RGS6: variants seen among roughly 807,000 people sequenced by gnomAD.
The protein encoded by RGS6 is regulator of G protein signaling 6.
Under a neutral mutation model 78.5 loss-of-function variants are expected in RGS6, and 30 were observed. The ratio of observed to expected loss-of-function variants is 0.38; its 90% confidence interval spans 0.29 to 0.52. The LOEUF (loss-of-function observed/expected upper bound fraction) is 0.52, where lower values mean the gene tolerates loss of function less well. Ranked by LOEUF, RGS6 falls within the 20% of genes least tolerant of loss-of-function variation. The pLI is 0.85. For synonymous variants in RGS6, 206 were observed against 206.0 expected (o/e 1.00, Z 0.00); for missense variants, 495 against 609.7 (o/e 0.81, Z 1.98).
At chr14:72,177,579 A>C (rs2097123053) in intron 2 of RGS6, among the ~76,000 whole-genome samples, 1 of 152,224 alleles carries the variant, frequency 6.6e-6, no homozygotes, top group South Asian at 2.1e-4. Flanking sequence ...AGAGAGGTAG[A>C]TTTAAGTAAT....
At chr14:72,289,808 G>A (rs1488166513) in intron 2 of RGS6, among the ~76,000 whole-genome samples, 1 of 152,150 alleles carries the variant, frequency 6.6e-6, no homozygotes. Context: ...ATCTCATGTG[G>A]ACAGGTGGTT....
chr14:71,999,555 T>A (rs371789067), intron 2 of RGS6, among the ~76,000 whole-genome samples: 3 of 152,290 alleles, frequency 2.0e-5, no homozygotes, highest in East Asian at 3.9e-4. Context: ...AAATCTCGTG[T>A]CAAATCATAA....
chr14:72,068,550 T>C (rs1474198145), intron 2 of RGS6, among the ~76,000 whole-genome samples: 2 of 146,240 alleles, frequency 1.4e-5, no homozygotes, highest in Non-Finnish European at 3.0e-5. Flanking sequence ...CAGGCTGGAG[T>C]GCAGTGGCGC....
chr14:71,987,632 C>T lies in RGS6; in HGVS notation c.84+22757C>T, dbSNP rs150146664. Among the ~76,000 whole-genome samples the T allele has an allele frequency of 1.7e-4, 26 of 152,142 alleles. 1 individual carries two copies. The highest frequency in any genetic ancestry group is 4.6e-4 in the African/African-American group (19 of 41,496). ...CTTGACCTCTGGGGCTTGATCCTCCCGTCTCAGCCTTCCCATAGCTGGGAC... is the reference window on the plus strand; with the variant it reads ...CTTGACCTCTGGGGCTTGATCCTCCTGTCTCAGCCTTCCCATAGCTGGGAC... On this transcript the variant is annotated intron_variant, in intron 2 of 17. Coordinates refer to ENST00000553525, the MANE Select transcript of RGS6 (RefSeq NM_001204424.2).
chr14:72,093,179 A>G (rs990635571), intron 2 of RGS6, among the ~76,000 whole-genome samples: 6 of 152,112 alleles, frequency 3.9e-5, no homozygotes, highest in South Asian at 2.1e-4. Flanking sequence ...AGGACGACCA[A>G]TATCTTAAAT....
intron 2 of RGS6, among the ~76,000 whole-genome samples, chr14:72,051,897 C>T (rs560568962): frequency 4.6e-5 from 7 of 152,260 alleles, no homozygotes; most frequent in South Asian, 4.2e-4. Context: ...TTTTATTCTC[C>T]TTCCTGCAAC....
At chr14:72,004,199 A>G (rs2084066939) in intron 2 of RGS6, among the ~76,000 whole-genome samples, 1 of 152,160 alleles carries the variant, frequency 6.6e-6, no homozygotes, top group African/African-American at 2.4e-5. Flanking sequence ...CTTTGGATTG[A>G]AAAAAAGTTG....
chr14:72,278,763 G>T (rs1289069070), intron 2 of RGS6, among the ~76,000 whole-genome samples: 1 of 152,144 alleles, frequency 6.6e-6, no homozygotes, highest in Non-Finnish European at 1.5e-5. Context: ...ATCAGATGTT[G>T]TCTCAGTTGG....
At chr14:72,330,827 G>A (rs1036252942) in intron 2 of RGS6, among the ~76,000 whole-genome samples, 3 of 152,072 alleles carry the variant, frequency 2.0e-5, no homozygotes, top group Admixed American at 6.5e-5. Context: ...ACTGACACCT[G>A]CAGAGATTTT....
intron 3 of RGS6, among the ~76,000 whole-genome samples, chr14:72,372,102 G>C (rs978558310): frequency 6.6e-6 from 1 of 152,178 alleles, no homozygotes; most frequent in African/African-American, 2.4e-5. Flanking sequence ...TTGTTACTCT[G>C]TTCTGAAGAC....
intron 2 of RGS6, among the ~76,000 whole-genome samples, chr14:72,085,513 A>G (rs1329810592): frequency 6.6e-6 from 1 of 152,152 alleles, no homozygotes. Flanking sequence ...AACACAGCTT[A>G]CTTCCAAGAG....
intron 2 of RGS6, among the ~76,000 whole-genome samples, chr14:72,145,810 G>T (rs1436759131): frequency 2.0e-5 from 3 of 152,118 alleles, no homozygotes; most frequent in Non-Finnish European, 4.4e-5. Flanking sequence ...TCAAGTAAAT[G>T]TAAAATTATA....
At chr14:72,028,782 GA>G (rs1333285102) in intron 2 of RGS6, among the ~76,000 whole-genome samples, 1 of 152,194 alleles carries the variant, frequency 6.6e-6, no homozygotes, top group Admixed American at 6.5e-5. Context: ...AGCTGTAGTT[GA>G]AAAACCAACA....
chr14:72,214,147 A>G (rs931150654), intron 2 of RGS6, among the ~76,000 whole-genome samples: 7 of 151,820 alleles, frequency 4.6e-5, no homozygotes, highest in Non-Finnish European at 7.4e-5. Context: ...ACTTGGCCAG[A>G]AGAAAAAAAA....
At chr14:72,293,186 G>A (rs1011937684) in intron 2 of RGS6, among the ~76,000 whole-genome samples, 1 of 152,090 alleles carries the variant, frequency 6.6e-6, no homozygotes, top group Non-Finnish European at 1.5e-5. Context: ...TTCTTACTGG[G>A]TATTCCCGTC....
chr14:72,264,084 A>G (rs1402169519), intron 2 of RGS6, among the ~76,000 whole-genome samples: 1 of 152,234 alleles, frequency 6.6e-6, no homozygotes, highest in African/African-American at 2.4e-5. Context: ...TAGGATAAAG[A>G]AAATCAATAG....
intron 2 of RGS6, among the ~76,000 whole-genome samples, chr14:72,281,733 C>A (rs2061620507): frequency 6.6e-6 from 1 of 152,030 alleles, no homozygotes; most frequent in Non-Finnish European, 1.5e-5. Flanking sequence ...AAGCAAAGGC[C>A]CTAAGGCAAG....
At chr14:72,012,243 T>G (rs571974216) in intron 2 of RGS6, among the ~76,000 whole-genome samples, 1 of 152,348 alleles carries the variant, frequency 6.6e-6, no homozygotes, top group Non-Finnish European at 1.5e-5. Context: ...TAAAATCACC[T>G]GTGGTATGAC....
In RGS6 at chr14:72,562,740, A is replaced by G; in HGVS notation, c.*273A>G. On this transcript the variant is annotated 3_prime_UTR_variant, in exon 18 of 18. Coordinates refer to ENST00000553525, the MANE Select transcript of RGS6 (RefSeq NM_001204424.2). ...TTGTATTCCAACACTCCACTCGCTA[A>G]GAGGCCCTGATCCCAGCTCATTCAG... 1 of 1,536,158 alleles carries G rather than the reference A, an allele frequency of 6.5e-7. No homozygotes were observed.
Sources: allele counts gnomAD v4.1 joint callset (sites outside exome capture counted in the v4.1 genomes callset), GRCh38; gene constraint gnomAD v4.1.1; transcripts MANE v1.5; gene names NCBI Gene and HGNC (gene_info 2026-07-23, HGNC 2026-07-21).